TRDN: variants seen among roughly 807,000 people sequenced by gnomAD.
The protein encoded by TRDN is triadin in skeletal muscle.
Under a neutral mutation model 149.7 loss-of-function variants are expected in TRDN, and 161 were observed. The ratio of observed to expected loss-of-function variants is 1.08; its 90% CI spans 0.95 to 1.23. The LOEUF is 1.23. Among genes scored for constraint, TRDN ranks in the 50% most tolerant of loss-of-function variants. The pLI is 0.00. For missense variants in TRDN, 896 were observed against 823.5 expected (o/e 1.09, Z -1.08); for synonymous variants, 294 against 250.5 (o/e 1.17, Z -1.64).
intron 7 of TRDN, among the ~76,000 whole-genome samples, chr6:123,511,960 A>G (rs561992943): frequency 6.8e-6 from 1 of 148,118 alleles, no homozygotes; most frequent in South Asian, 2.2e-4. Flanking sequence ...TAACCTCCCT[A>G]TTTTAGAACA....
At chr6:123,563,220 C>T (rs1294199996) in intron 2 of TRDN, among the ~76,000 whole-genome samples, 1 of 152,224 alleles carries the variant, frequency 6.6e-6, no homozygotes, top group Admixed American at 6.5e-5. Context: ...TTTCACCTCT[C>T]TTACTCAATA....
intron 9 of TRDN, among the ~76,000 whole-genome samples, chr6:123,486,971 A>T (rs1196348131): frequency 6.6e-6 from 1 of 152,066 alleles, no homozygotes; most frequent in African/African-American, 2.4e-5. Context: ...GCTAGGAGAC[A>T]TCAGATGGCT....
intron 21 of TRDN, among the ~76,000 whole-genome samples, chr6:123,347,731 G>A (rs994631819): frequency 2.0e-5 from 3 of 152,042 alleles, no homozygotes; most frequent in African/African-American, 7.2e-5. Context: ...TCTTACAAGT[G>A]AGAATTGAAC....
At chr6:123,332,733 C>A (rs1274117792) in intron 22 of TRDN, among the ~76,000 whole-genome samples, 1 of 151,978 alleles carries the variant, frequency 6.6e-6, no homozygotes, top group African/African-American at 2.4e-5. Context: ...AGAGATCTAT[C>A]CTTTCAGCCC....
intron 10 of TRDN, among the ~76,000 whole-genome samples, chr6:123,454,465 G>C (rs1018976953): frequency 1.3e-5 from 2 of 152,266 alleles, no homozygotes; most frequent in African/African-American, 4.8e-5. Context: ...AAGCACATGA[G>C]CTTGTATGCA....
chr6:123,322,547 C>A (rs1420076557), intron 23 of TRDN, among the ~76,000 whole-genome samples: 1 of 151,560 alleles, frequency 6.6e-6, no homozygotes, highest in East Asian at 1.9e-4. Context: ...ACAATTTGGT[C>A]TGCCTTATTG....
intron 24 of TRDN, among the ~76,000 whole-genome samples, chr6:123,308,832 A>G (rs1778710261): frequency 6.6e-6 from 1 of 152,058 alleles, no homozygotes; most frequent in Admixed American, 6.6e-5. Context: ...TTAAAGCACA[A>G]GTACTCACAG....
At chr6:123,495,267 C>G (rs1778398853) in intron 9 of TRDN, among the ~76,000 whole-genome samples, 1 of 151,754 alleles carries the variant, frequency 6.6e-6, no homozygotes. Context: ...GCCTGTAATC[C>G]CAGCACCTTG....
chr6:123,221,421 T>G (rs1775143898), intron 40 of TRDN, 66 bp downstream of exon 40: 1 of 1,242,442 alleles, frequency 8.0e-7, no homozygotes, highest in Admixed American at 2.5e-5. Flanking sequence ...AGTCTAACAT[T>G]TTTACATAGA....
In TRDN at chr6:123,221,566, A is replaced by C. The variant is rs759992638; in HGVS notation, c.2015-44T>G. The C allele has an allele frequency of 2.3e-6, 3 of 1,296,972 alleles. No homozygotes were observed. The Admixed American group carries it at 5.9e-5, about 26-fold the overall frequency. The allele number at this position is 1,296,972 out of a possible 1,614,324, so 80.3% of individuals were successfully genotyped here. The stretch of plus-strand genomic sequence containing the variant: ...AAAAGTAAATAACTTGTACATTTAC[A>C]ACTTTTATATAAATATATATGGGAC... On this transcript the variant is annotated intron_variant, in intron 39 of 40. Coordinates refer to ENST00000334268, the MANE Select transcript of TRDN (RefSeq NM_006073.4).
chr6:123,366,244 A>G (rs895275059), intron 19 of TRDN, 62 bp from the exon 20 acceptor site: 2 of 1,442,972 alleles, frequency 1.4e-6, no homozygotes, highest in African/African-American at 2.8e-5. Context: ...TTCACATCTT[A>G]TACTATTGAG....
At chr6:123,524,911 C>T (rs774357877) in intron 5 of TRDN, among the ~76,000 whole-genome samples, 2 of 152,080 alleles carry the variant, frequency 1.3e-5, no homozygotes, top group Non-Finnish European at 2.9e-5. Context: ...TTTGTGGTTT[C>T]TATCTTTAAA....
intron 8 of TRDN, chr6:123,502,956 C>T: frequency 1.0e-6 from 1 of 985,220 alleles, no homozygotes; most frequent in Non-Finnish European, 1.2e-6. Context: ...TACGATAAGA[C>T]CCTTAGTTGC....
chr6:123,365,249 C>T (rs899418047), intron 20 of TRDN, among the ~76,000 whole-genome samples: 8 of 152,014 alleles, frequency 5.3e-5, no homozygotes, highest in African/African-American at 1.9e-4. Flanking sequence ...AAAGAATTCA[C>T]TAATTTTTGT....
chr6:123,271,111 A>AG, intron 30 of TRDN, 28 bp downstream of exon 30: 3 of 1,437,888 alleles, frequency 2.1e-6, no homozygotes, highest in Non-Finnish European at 2.8e-6. Flanking sequence ...AATGAGACAT[A>AG]GAAAAAAATA....
In TRDN at chr6:123,587,595, C is replaced by T. The variant is rs184165132; in HGVS notation, c.23-16463G>A. Among the ~76,000 whole-genome samples, 140 of 152,210 alleles carry T rather than the reference C, an allele frequency of 9.2e-4. 1 individual carries two copies. The highest frequency in any genetic ancestry group is 1.2e-3 in the Non-Finnish European group (80 of 68,022). ...AAGGGAGGTCCCCTGATCTGAGTCG[C>T]GGCACCAAATTTCATGTGCGTCCGT... is the stretch of plus-strand genomic sequence containing the variant. On this transcript the variant is annotated intron_variant, in intron 1 of 40. Coordinates refer to ENST00000334268, the MANE Select transcript of TRDN (RefSeq NM_006073.4).
Position 123,460,573 on chromosome 6 carries a change from T to C in TRDN, c.931+4333A>G, listed in dbSNP as rs557171292. ...AGAAAAATATTATATTGACCTGAAG[T>C]TCAATAAAATCTATTGTGTCATGGA... is the stretch of plus-strand genomic sequence containing the variant. On this transcript the variant is annotated intron_variant, in intron 10 of 40. Coordinates refer to ENST00000334268, the MANE Select transcript of TRDN (RefSeq NM_006073.4). Among the ~76,000 whole-genome samples the C allele has an allele frequency of 2.6e-5, 4 of 152,230 alleles. No homozygotes were observed. In the South Asian group the frequency reaches 8.3e-4, roughly 32 times the overall value.
At chr6:123,409,690 T>TACACACACAC (rs5879677) in intron 12 of TRDN, among the ~76,000 whole-genome samples, 1 of 149,304 alleles carries the variant, frequency 6.7e-6, no homozygotes, top group African/African-American at 2.5e-5. Context: ...TAATGTAATT[T>TACACACACAC]ACACACACAC....
intron 4 of TRDN, among the ~76,000 whole-genome samples, chr6:123,532,361 G>T (rs932128941): frequency 6.6e-6 from 1 of 151,998 alleles, no homozygotes; most frequent in African/African-American, 2.4e-5. Context: ...TCGCTTGCAG[G>T]TATATTGCAG....
Sources: gnomAD v4.1 joint callset for allele counts (sites outside exome capture counted in the v4.1 genomes callset) on GRCh38, gnomAD v4.1.1 for gene constraint, MANE v1.5 for transcripts, NCBI Gene and HGNC (gene_info 2026-07-23, HGNC 2026-07-21) for gene names.